The following GCSAML variants were observed in gnomAD, a reference collection of about 807,000 sequenced individuals.
GCSAML encodes germinal center associated signaling and motility like.
A neutral mutation model predicts 13.0 loss-of-function variants in GCSAML; 9 were observed. The ratio of observed to expected loss-of-function variants is 0.69; its 90% CI spans 0.42 to 1.21. The LOEUF (loss-of-function observed/expected upper bound fraction) is 1.21. Ranked by LOEUF, GCSAML falls within the 50% of genes most tolerant of loss-of-function variation. The pLI, the probability that GCSAML is intolerant of heterozygous loss-of-function variation, is 0.00. For missense variants in GCSAML, 143 were observed against 153.4 expected (o/e 0.93, Z 0.36); for synonymous variants, 37 against 52.9 (o/e 0.70, Z 1.31).
chr1:247,554,129 T>C (rs1461202635), intron 1 of GCSAML, among the ~76,000 whole-genome samples: 1 of 152,184 alleles, frequency 6.6e-6, no homozygotes, highest in Admixed American at 6.5e-5. Flanking sequence ...CTGGAACATC[T>C]TATATATGAG....
intron 2 of GCSAML, among the ~76,000 whole-genome samples, chr1:247,536,982 T>C (rs766750038): frequency 1.3e-5 from 2 of 152,234 alleles, no homozygotes; most frequent in African/African-American, 2.4e-5. Flanking sequence ...AGATAGCATA[T>C]AAATTTATCA....
intron 2 of GCSAML, among the ~76,000 whole-genome samples, chr1:247,559,048 T>C (rs1668040867): frequency 6.6e-6 from 1 of 152,198 alleles, no homozygotes; most frequent in Non-Finnish European, 1.5e-5. Flanking sequence ...AATACTACAA[T>C]TTTAGCTTGT....
chr1:247,564,692 A>G (rs1299579059), intron 3 of GCSAML, among the ~76,000 whole-genome samples: 2 of 152,210 alleles, frequency 1.3e-5, no homozygotes, highest in African/African-American at 4.8e-5. Flanking sequence ...GTGGGGACAT[A>G]AGGGCACTTG....
intron 2 of GCSAML, among the ~76,000 whole-genome samples, chr1:247,543,680 A>G (rs998126795): frequency 6.6e-6 from 1 of 152,226 alleles, no homozygotes; most frequent in Non-Finnish European, 1.5e-5. Flanking sequence ...TAAATTATAT[A>G]TGAATTTATT....
At chr1:247,557,507 G>T (rs186068229) in intron 2 of GCSAML, among the ~76,000 whole-genome samples, 1 of 152,088 alleles carries the variant, frequency 6.6e-6, no homozygotes, top group Admixed American at 6.5e-5. Context: ...TCATCTCAAT[G>T]TCTTGGTTTC....
At chr1:247,547,437 A>G (rs1300939597), upstream of GCSAML, among the ~76,000 whole-genome samples, 5 of 152,174 alleles carry the variant, frequency 3.3e-5, no homozygotes, top group African/African-American at 1.2e-4. Flanking sequence ...AAAGATGGAA[A>G]CCTTTCGTGT....
intron 4 of GCSAML, among the ~76,000 whole-genome samples, chr1:247,569,300 G>A (rs1402261534): frequency 1.3e-5 from 2 of 152,176 alleles, no homozygotes; most frequent in Non-Finnish European, 2.9e-5. Flanking sequence ...CAAAGGGAAT[G>A]CTTCCAACTT....
intron 1 of GCSAML, among the ~76,000 whole-genome samples, chr1:247,513,175 G>C (rs1258663483): frequency 6.6e-6 from 1 of 152,178 alleles, no homozygotes; most frequent in Non-Finnish European, 1.5e-5. Context: ...CTCCTGACTG[G>C]GGCTGTTGCC....
chr1:247,514,652 CGA>C (rs1666153551), intron 1 of GCSAML, among the ~76,000 whole-genome samples: 1 of 152,092 alleles, frequency 6.6e-6, no homozygotes, highest in Admixed American at 6.6e-5. Flanking sequence ...TTGTATAAAG[CGA>C]GAGAGGAGGA....
chr1:247,522,271 C>CCAGCCGACCCG (rs1168642172), intron 1 of GCSAML, among the ~76,000 whole-genome samples: 1 of 111,126 alleles, frequency 9.0e-6, no homozygotes, highest in Non-Finnish European at 2.0e-5. Flanking sequence ...CCCCACCCGG[C>CCAGCCGACCCG]TAGCCGCCCT....
chr1:247,522,759 A>G (rs1271174570), intron 1 of GCSAML, among the ~76,000 whole-genome samples: 2 of 152,206 alleles, frequency 1.3e-5, no homozygotes, highest in African/African-American at 2.4e-5. Context: ...TCAAGTACCC[A>G]GGGACACAAA....
At chr1:247,543,710 A>G (rs1321474560) in intron 2 of GCSAML, among the ~76,000 whole-genome samples, 2 of 152,204 alleles carry the variant, frequency 1.3e-5, no homozygotes, top group Admixed American at 1.3e-4. Flanking sequence ...ACTTAAAATA[A>G]ATCAAAACTA....
At chr1:247,556,324 A>G in intron 1 of GCSAML, 83 bp from the exon 2 acceptor site, 1 of 963,442 alleles carries the variant, frequency 1.0e-6, no homozygotes, top group Non-Finnish European at 1.6e-6. Flanking sequence ...TTTGGTTTTA[A>G]TGGTCTAGAA....
chr1:247,510,998 A>T (rs1666017661), intron 1 of GCSAML, among the ~76,000 whole-genome samples: 1 of 152,224 alleles, frequency 6.6e-6, no homozygotes, highest in Admixed American at 6.5e-5. Context: ...AGAGTTCTGT[A>T]GATGTCTATC....
Position 247,527,217 on chromosome 1 carries a change from C to T in GCSAML, c.-148+163C>T. The stretch of plus-strand genomic sequence containing the variant: ...GTTATGGTCATCATTCTCCTCTGTG[C>T]CAAACAGGGGCTGATGGATGGTCAG... On this transcript the variant is annotated intron_variant, in intron 2 of 5. Transcript: ENST00000366489. The surrounding 1 kb of genome is among the most constrained non-coding windows in gnomAD (Gnocchi z 4.6). 2.6e-6 allele frequency: 1 copy of T among 387,378 alleles called. No homozygotes were observed. Among genetic ancestry groups the T allele is most frequent in the Non-Finnish European group, 5.1e-6 (1 of 195,072 alleles). 24.0% of individuals were successfully genotyped at this position (387,378 alleles called of 1,614,324 possible).
At chr1:247,567,813 A>G (rs540949267) in intron 4 of GCSAML, among the ~76,000 whole-genome samples, 130 of 152,224 alleles carry the variant, frequency 8.5e-4, no homozygotes, top group African/African-American at 2.9e-3. Flanking sequence ...AAGCGTTCCT[A>G]TTTCTCCACA....
At chr1:247,549,407 G>T (rs192762596) in intron 1 of GCSAML, among the ~76,000 whole-genome samples, 187 bp downstream of exon 1, 29 of 152,252 alleles carry the variant, frequency 1.9e-4, no homozygotes, top group African/African-American at 6.7e-4. Context: ...CTGGAACAAT[G>T]ATAGGTTGCC....
At chr1:247,555,887 G>GTAAT (rs1454859257) in intron 1 of GCSAML, among the ~76,000 whole-genome samples, 1 of 152,168 alleles carries the variant, frequency 6.6e-6, no homozygotes, top group African/African-American at 2.4e-5. Context: ...AACACCAAGA[G>GTAAT]TAATATGAAA....
intron 1 of GCSAML, among the ~76,000 whole-genome samples, chr1:247,517,109 G>C (rs562884654): frequency 1.3e-5 from 2 of 152,146 alleles, no homozygotes; most frequent in East Asian, 3.9e-4. Context: ...GAGTGGACAT[G>C]GCAAGGAAGA....
Sources: allele counts gnomAD v4.1 joint callset (sites outside exome capture counted in the v4.1 genomes callset), GRCh38; gene constraint gnomAD v4.1.1; non-coding constraint Gnocchi (gnomAD v3.1); transcripts MANE v1.5; gene names NCBI Gene and HGNC (gene_info 2026-07-23, HGNC 2026-07-21).